The following SH2D4A variants were observed in gnomAD, a reference collection of about 807,000 sequenced individuals.
SH2D4A encodes the protein SH2 domain-containing protein 4A.
A neutral mutation model predicts 64.7 loss-of-function variants in SH2D4A; 70 were observed. The ratio of observed to expected loss-of-function variants is 1.08; its 90% CI spans 0.89 to 1.32. The LOEUF (loss-of-function observed/expected upper bound fraction) is 1.32. Ranked by LOEUF, SH2D4A falls within the 40% of genes most tolerant of loss-of-function variation. The probability of loss-of-function intolerance (pLI) is 0.00; values close to 1 mark genes in which losing one functional copy is unlikely to be tolerated. For missense variants in SH2D4A, 706 were observed against 540.1 expected (o/e 1.31, Z -3.04); for synonymous variants, 268 against 200.7 (o/e 1.34, Z -2.83).
At chr8:19,387,641 G>A (rs1017248310) in intron 8 of SH2D4A, among the ~76,000 whole-genome samples, 2 of 152,186 alleles carry the variant, frequency 1.3e-5, no homozygotes, top group African/African-American at 4.8e-5. Context: ...TATGCCAAGG[G>A]AAAGTAAGTA....
chr8:19,342,509 G>A (rs1334728631), intron 4 of SH2D4A, among the ~76,000 whole-genome samples: 2 of 152,202 alleles, frequency 1.3e-5, no homozygotes, highest in African/African-American at 4.8e-5. Context: ...GGATGATAGT[G>A]GTTATAGATA....
At chr8:19,374,369 C>A (rs2053159699) in intron 8 of SH2D4A, among the ~76,000 whole-genome samples, 1 of 152,102 alleles carries the variant, frequency 6.6e-6, no homozygotes, top group Non-Finnish European at 1.5e-5. Flanking sequence ...TAGTTGACTT[C>A]CATAAGGTCT....
chr8:19,374,231 A>C (rs1400871038), intron 8 of SH2D4A, among the ~76,000 whole-genome samples: 1 of 152,188 alleles, frequency 6.6e-6, no homozygotes, highest in South Asian at 2.1e-4. Context: ...TCCTGAGCAG[A>C]TATCAGCTAG....
At chr8:19,335,635 G>A (rs2052434305) in intron 4 of SH2D4A, among the ~76,000 whole-genome samples, 1 of 152,130 alleles carries the variant, frequency 6.6e-6, no homozygotes, top group Non-Finnish European at 1.5e-5. Context: ...GGGCAGATTT[G>A]GCCTGTTCAT....
intron 2 of SH2D4A, among the ~76,000 whole-genome samples, chr8:19,321,575 T>C (rs1367393721): frequency 6.6e-6 from 1 of 152,246 alleles, no homozygotes; most frequent in Non-Finnish European, 1.5e-5. Flanking sequence ...TGCCCAGTTC[T>C]GTTGGATTTT....
intron 4 of SH2D4A, among the ~76,000 whole-genome samples, chr8:19,336,436 C>T (rs755471134): frequency 4.0e-4 from 61 of 152,110 alleles, no homozygotes; most frequent in African/African-American, 1.0e-3. Context: ...TGAGGCCTCC[C>T]GTCCTCCCCA....
At chr8:19,361,404 T>C (rs769111552) in intron 6 of SH2D4A, 90 bp downstream of exon 6, 6 of 1,307,210 alleles carry the variant, frequency 4.6e-6, no homozygotes, top group Non-Finnish European at 6.0e-6. Context: ...GCGCTTAATG[T>C]GGGTTGTTGA....
chr8:19,321,561 T>C (rs1368373796), intron 2 of SH2D4A, among the ~76,000 whole-genome samples: 1 of 152,224 alleles, frequency 6.6e-6, no homozygotes, highest in Non-Finnish European at 1.5e-5. Flanking sequence ...ATACCACCAA[T>C]AGATGCCCAG....
intron 4 of SH2D4A, among the ~76,000 whole-genome samples, chr8:19,338,905 G>A (rs1050176592): frequency 3.3e-5 from 5 of 152,280 alleles, no homozygotes; most frequent in African/African-American, 7.2e-5. Context: ...TAGGATAGAC[G>A]TATATATGAA....
chr8:19,375,349 C>T (rs972874123), intron 8 of SH2D4A: 7 of 152,252 alleles, frequency 4.6e-5, no homozygotes, highest in East Asian at 1.9e-4. Flanking sequence ...CGCTTATCAC[C>T]GGGAAGCCTG....
At chr8:19,390,161 A>G (rs2153652375) in intron 8 of SH2D4A, among the ~76,000 whole-genome samples, 1 of 152,284 alleles carries the variant, frequency 6.6e-6, no homozygotes, top group South Asian at 2.1e-4. Flanking sequence ...TGGGCAGATC[A>G]TTTGAGGCCA....
intron 4 of SH2D4A, among the ~76,000 whole-genome samples, chr8:19,343,104 G>T (rs1166086691): frequency 1.3e-5 from 2 of 152,122 alleles, no homozygotes; most frequent in African/African-American, 4.8e-5. Flanking sequence ...ATAAACCTCT[G>T]CAACCTCTGT....
intron 8 of SH2D4A, among the ~76,000 whole-genome samples, chr8:19,388,710 T>G (rs1167246190): frequency 6.6e-6 from 1 of 152,222 alleles, no homozygotes; most frequent in East Asian, 1.9e-4. Flanking sequence ...CTTGTCCCTA[T>G]GATCACAATT....
At chr8:19,333,249 C>T (rs1298043032) in intron 3 of SH2D4A, 135 bp downstream of exon 3, 5 of 963,190 alleles carry the variant, frequency 5.2e-6, no homozygotes. Flanking sequence ...CACTTTGGAT[C>T]TCTTTGGAAG....
chr8:19,315,028 A>AT (rs1301866811), intron 1 of SH2D4A, among the ~76,000 whole-genome samples: 2 of 151,860 alleles, frequency 1.3e-5, no homozygotes, highest in African/African-American at 2.4e-5. Context: ...ACTTTTATTT[A>AT]TTTTTTATTT....
At chr8:19,354,610 GA>G (rs1447200777) in intron 4 of SH2D4A, among the ~76,000 whole-genome samples, 1 of 152,096 alleles carries the variant, frequency 6.6e-6, no homozygotes, top group African/African-American at 2.4e-5. Flanking sequence ...ATGATGATAG[GA>G]AAAAATGTAA....
intron 1 of SH2D4A, among the ~76,000 whole-genome samples, chr8:19,314,457 G>T (rs2052051929): frequency 6.6e-6 from 1 of 152,204 alleles, no homozygotes; most frequent in African/African-American, 2.4e-5. Context: ...GCAGCGGCGG[G>T]GCTGGCCCAG....
intron 7 of SH2D4A, among the ~76,000 whole-genome samples, chr8:19,370,396 G>C (rs1009759980): frequency 6.6e-6 from 1 of 151,946 alleles, no homozygotes; most frequent in African/African-American, 2.4e-5. Context: ...ATTAATATTT[G>C]CTTTCTAAAT....
chr8:19,342,881 C>A (rs1256061394), intron 4 of SH2D4A, among the ~76,000 whole-genome samples: 5 of 151,924 alleles, frequency 3.3e-5, no homozygotes, highest in Admixed American at 2.0e-4. Context: ...AGTCAGGGAA[C>A]AGTGGAGAAA....
Sources: allele counts gnomAD v4.1 joint callset (sites outside exome capture counted in the v4.1 genomes callset), GRCh38; gene constraint gnomAD v4.1.1; transcripts MANE v1.5; gene names NCBI Gene and HGNC (gene_info 2026-07-23, HGNC 2026-07-21).